TMTC3: variants seen among roughly 807,000 people sequenced by gnomAD.
TMTC3 encodes the protein protein O-mannosyl-transferase TMTC3.
TMTC3 carries 52 observed loss-of-function variants against 92.2 expected under a neutral mutation model. That is an observed-to-expected ratio of 0.56 (90% CI 0.45 to 0.71). The LOEUF (loss-of-function observed/expected upper bound fraction) is 0.71. TMTC3 is among the 30% of genes least tolerant of loss of function. TMTC3 has a pLI of 0.00. For synonymous variants in TMTC3, 339 were observed against 363.3 expected, an observed-to-expected ratio of 0.93 and a Z score of 0.76; for missense variants, 896 against 1,057.1, an observed-to-expected ratio of 0.85 and a Z score of 2.11.
chr12:88,183,221 AG>A (rs2041337775), intron 10 of TMTC3, among the ~76,000 whole-genome samples: 1 of 152,154 alleles, frequency 6.6e-6, no homozygotes, highest in Non-Finnish European at 1.5e-5. Flanking sequence ...GAGCCATGTC[AG>A]GGGGAGGAGA....
intron 7 of TMTC3, among the ~76,000 whole-genome samples, chr12:88,168,215 A>G (rs933475656): frequency 6.6e-6 from 1 of 152,216 alleles, no homozygotes; most frequent in African/African-American, 2.4e-5. Flanking sequence ...CTTGAGGGGG[A>G]AAGTGAGATC....
chr12:88,195,408 G>C lies in TMTC3; in HGVS notation c.2504G>C (p.Ser835Thr). 1 of 1,613,686 alleles carries C rather than the reference G, an allele frequency of 6.2e-7. No homozygotes were observed. Among genetic ancestry groups the C allele is most frequent in the South Asian group, 1.1e-5 (1 of 90,996 alleles). ...EPIFPTSKISSVEGKKIPTES... is the reference protein window; with the variant it reads ...EPIFPTSKISTVEGKKIPTES... The stretch of plus-strand genomic sequence containing the variant: ...ATATTCCCAACCAGTAAGATTTCAA[G>C]TGTGGAAGGAAAGAAAATTCCAACT... Residue 835 changes from serine (S) to threonine (T), a missense_variant, in exon 14 of 14, where the codon AGT becomes ACT. Coordinates refer to ENST00000266712, the MANE Select transcript of TMTC3 (RefSeq NM_181783.4).
At chr12:88,150,907 A>C (rs1352896173) in intron 2 of TMTC3, among the ~76,000 whole-genome samples, 1 of 151,998 alleles carries the variant, frequency 6.6e-6, no homozygotes, top group African/African-American at 2.4e-5. Context: ...GGGTCTTTGG[A>C]CTCATGTGAA....
At position 88,198,304 on chromosome 12, in the gene TMTC3, G is replaced by GGAA. The variant is rs2041538909; in HGVS notation, c.*2657_*2659dup. The GGAA allele has an allele frequency of 2.5e-6, 1 of 397,642 alleles. No individual in the cohort carries two copies. The highest frequency in any genetic ancestry group is 1.3e-4 in the South Asian group (1 of 7,844). 24.6% of individuals were successfully genotyped at this position (397,642 alleles called of 1,614,324 possible). ...CTATGGTTCAGAGTTCTGATCATAT[G>GGAA]GAAGTTTGGAAAAGAGAGCTTATCA... On this transcript the variant is annotated 3_prime_UTR_variant, in exon 14 of 14. Coordinates refer to ENST00000266712, the MANE Select transcript of TMTC3 (RefSeq NM_181783.4).
Position 88,188,961 on chromosome 12 carries a change from T to C in TMTC3, c.1536+15T>C. On this transcript the variant is annotated intron_variant, in intron 11 of 13. Transcript: ENST00000266712. ...TGATGCCTCAAGTAAGTTGCCATAA[T>C]TTATCTATTGTGTCATATCTATTAG... is the stretch of plus-strand genomic sequence containing the variant. 1.4e-6 allele frequency: 2 copies of C among 1,420,756 alleles called. No individual in the cohort carries two copies. The highest frequency in any genetic ancestry group is 4.6e-5 in the East Asian group (2 of 43,286). 88.0% of individuals were successfully genotyped at this position (1,420,756 alleles called of 1,614,324 possible).
chr12:88,173,374 T>C (rs2041225857), intron 8 of TMTC3, among the ~76,000 whole-genome samples: 1 of 151,980 alleles, frequency 6.6e-6, no homozygotes, highest in Non-Finnish European at 1.5e-5. Context: ...GAAAAAGAAA[T>C]AGTCACTTCT....
chr12:88,152,816 C>G (rs2040958914), intron 2 of TMTC3, among the ~76,000 whole-genome samples: 1 of 152,110 alleles, frequency 6.6e-6, no homozygotes. Flanking sequence ...CATAAAACAG[C>G]TAGACAGTAC....
In TMTC3 at chr12:88,195,270, A is replaced by G. The variant is rs750247708; in HGVS notation, c.2366A>G (p.Lys789Arg). Residue 789 changes from lysine (K) to arginine (R), a missense_variant, in exon 14 of 14, where the codon AAA becomes AGA. By Grantham distance (26) the Lys-to-Arg change is conservative. Coordinates refer to ENST00000266712, the MANE Select transcript of TMTC3 (RefSeq NM_181783.4). The part of the protein sequence containing the change: ...VVYFEEKDLL[K>R]AERCLLETLA... ...TATTTTGAAGAAAAAGACTTATTAA[A>G]AGCTGAAAGATGCCTTCTTGAAACA... is the stretch of plus-strand genomic sequence containing the variant. 3.1e-6 allele frequency: 5 copies of G among 1,613,890 alleles called. No homozygotes were observed. The South Asian group carries it at 5.5e-5, about 18-fold the overall frequency.
intron 8 of TMTC3, among the ~76,000 whole-genome samples, chr12:88,174,306 G>A (rs2041235811): frequency 6.6e-6 from 1 of 151,986 alleles, no homozygotes; most frequent in African/African-American, 2.4e-5. Context: ...GACTGTAAGT[G>A]TAAAAAGTCA....
At chr12:88,181,038 A>G (rs1389886077) in intron 10 of TMTC3, among the ~76,000 whole-genome samples, 1 of 152,146 alleles carries the variant, frequency 6.6e-6, no homozygotes, top group Non-Finnish European at 1.5e-5. Flanking sequence ...ACGTTCTACT[A>G]TGGCCTGTCC....
rs1450915932 is a variant in TMTC3, at chr12:88,198,155, C to CA, written c.*2510dup. The CA allele has an allele frequency of 7.6e-6, 3 of 393,576 alleles. No individual in the cohort carries two copies. In the East Asian group the frequency reaches 1.1e-4, roughly 14 times the overall value. 24.4% of individuals were successfully genotyped at this position (393,576 alleles called of 1,614,324 possible). A position where few individuals can be genotyped will look rare whatever the true frequency, so the allele number is the denominator to read the frequency against. ...GATTATTATTTCTTCTCTATAACTT[C>CA]AAAATAGATATTTCATTCAAACTGT... On this transcript the variant is annotated 3_prime_UTR_variant, in exon 14 of 14. Coordinates refer to ENST00000266712, the MANE Select transcript of TMTC3 (RefSeq NM_181783.4).
At chr12:88,182,981 G>GTA (rs2041334961) in intron 10 of TMTC3, among the ~76,000 whole-genome samples, 1 of 152,172 alleles carries the variant, frequency 6.6e-6, no homozygotes, top group African/African-American at 2.4e-5. Flanking sequence ...TGTTGAAGGG[G>GTA]CCCTATAGGT....
intron 6 of TMTC3, among the ~76,000 whole-genome samples, chr12:88,163,444 C>G (rs1327128729): frequency 6.6e-6 from 1 of 152,130 alleles, no homozygotes; most frequent in African/African-American, 2.4e-5. Flanking sequence ...TTTCTGAAGG[C>G]TGCTGTAACA....
chr12:88,196,991 T>TA lies in TMTC3; in HGVS notation c.*1345dup, dbSNP rs1206088443. On this transcript the variant is annotated 3_prime_UTR_variant, in exon 14 of 14. Transcript: ENST00000266712. Reference sequence around the variant, plus strand: ...TTTTTTCTTGAATTAAAGTACATTTTAAATGAGCTTTATAATACCTTAAAA... The same window carrying TA: ...TTTTTTCTTGAATTAAAGTACATTTTAAAATGAGCTTTATAATACCTTAAAA... 1 of 152,100 alleles carries TA rather than the reference T, an allele frequency of 6.6e-6. No homozygotes were observed. The highest frequency in any genetic ancestry group is 2.4e-5 in the African/African-American group (1 of 41,426). 9.4% of individuals were successfully genotyped at this position (152,100 alleles called of 1,614,324 possible).
At chr12:88,178,527 G>A (rs950144970) in intron 10 of TMTC3, among the ~76,000 whole-genome samples, 1 of 151,630 alleles carries the variant, frequency 6.6e-6, no homozygotes, top group Non-Finnish European at 1.5e-5. Flanking sequence ...TCTATTTAGT[G>A]CTATATTTTA....
intron 4 of TMTC3, among the ~76,000 whole-genome samples, chr12:88,158,805 A>C (rs2041040250): frequency 6.6e-6 from 1 of 152,072 alleles, no homozygotes; most frequent in African/African-American, 2.4e-5. Flanking sequence ...TAATCCCAGC[A>C]CTTTGGGAGG....
chr12:88,162,308 C>T (rs968422863), intron 6 of TMTC3, among the ~76,000 whole-genome samples: 1 of 151,958 alleles, frequency 6.6e-6, no homozygotes, highest in Admixed American at 6.5e-5. Flanking sequence ...GTTTCTTGTG[C>T]TTAGGTAAAC....
intron 10 of TMTC3, among the ~76,000 whole-genome samples, chr12:88,187,836 T>C (rs1331591210): frequency 6.6e-6 from 1 of 152,202 alleles, no homozygotes; most frequent in Non-Finnish European, 1.5e-5. Flanking sequence ...TGTATTTTAG[T>C]TCGTGTTGAG....
chr12:88,173,622 A>G (rs891508707), intron 8 of TMTC3, among the ~76,000 whole-genome samples: 2 of 152,142 alleles, frequency 1.3e-5, no homozygotes, highest in East Asian at 1.9e-4. Flanking sequence ...TTCACACCGC[A>G]TGTGTTCCAC....
Sources: gnomAD v4.1 joint callset for allele counts (sites outside exome capture counted in the v4.1 genomes callset) on GRCh38, gnomAD v4.1.1 for gene constraint, MANE v1.5 for transcripts, NCBI Gene and HGNC (gene_info 2026-07-23, HGNC 2026-07-21) for gene names.